The following KCNQ2 variants were observed in gnomAD, a reference collection of about 807,000 sequenced individuals.
KCNQ2 encodes the protein potassium voltage-gated channel subfamily KQT member 2.
Under a neutral mutation model 84.8 loss-of-function variants are expected in KCNQ2, and 14 were observed. The ratio of observed to expected loss-of-function variants is 0.17; its 90% CI spans 0.11 to 0.26. The LOEUF (loss-of-function observed/expected upper bound fraction) is 0.26. KCNQ2 is among the 10% of genes least tolerant of loss of function. KCNQ2 has a pLI of 1.00. For missense variants in KCNQ2, 788 were observed against 1,254.0 expected (o/e 0.63, Z 5.61); for synonymous variants, 599 against 554.1 (o/e 1.08, Z -1.14).
At chr20:63,452,234 A>G (rs868157533) in intron 1 of KCNQ2, among the ~76,000 whole-genome samples, 2 of 152,224 alleles carry the variant, frequency 1.3e-5, no homozygotes, top group Admixed American at 6.5e-5. Flanking sequence ...GCGTGAGCCC[A>G]AGTTCAGATT....
intron 4 of KCNQ2, among the ~76,000 whole-genome samples, chr20:63,443,013 TCACCACCACCATCACATCACCAC>T (rs1568935633): frequency 7.2e-4 from 20 of 27,956 alleles, no homozygotes; most frequent in African/African-American, 2.7e-3. Context: ...ACCATCACCA[TCACCACCACCATCACATCACCAC>T]CACCATCACC....
chr20:63,406,837 T>A lies in KCNQ2; in HGVS notation c.2426A>T (p.Gln809Leu), dbSNP rs770975148. ...GAGAGCATCCAGGTTCTCCTTGGAC[T>A]GGGAGATGCTGAAGCCGCTGAAGGA... Reference protein sequence around the residue: ...ERSFSGFSISQSKENLDALNS... With the variant: ...ERSFSGFSISLSKENLDALNS... Residue 809 changes from glutamine to leucine, a missense_variant, in exon 17 of 17, where the codon CAG (glutamine) becomes CTG (leucine). Physicochemically the swap from Gln to Leu is moderately radical, Grantham distance 113 (BLOSUM62 -2). Coordinates refer to ENST00000359125, the MANE Select transcript of KCNQ2 (RefSeq NM_172107.4). The A allele has an allele frequency of 6.2e-7, 1 of 1,612,424 alleles. No homozygotes were observed. The highest frequency in any genetic ancestry group is 8.5e-7 in the Non-Finnish European group (1 of 1,179,778).
chr20:63,415,134 C>G lies in KCNQ2; in HGVS notation c.1302-8G>C. ...TTCAAACTGACCTTCTGGCTGCTCC[C>G]ACGGGAACCGACAGACAGACAGAAA... On this transcript the variant is annotated splice_region_variant and splice_polypyrimidine_tract_variant and intron_variant, in intron 12 of 16. Coordinates refer to ENST00000359125, the MANE Select transcript of KCNQ2 (RefSeq NM_172107.4). 6.4e-7 allele frequency: 1 copy of G among 1,557,056 alleles called. No individual in the cohort carries two copies. Among genetic ancestry groups the G allele is most frequent in the Non-Finnish European group, 8.6e-7 (1 of 1,164,962 alleles).
chr20:63,427,209 A>C (rs559278427), intron 10 of KCNQ2, among the ~76,000 whole-genome samples: 1 of 152,370 alleles, frequency 6.6e-6, no homozygotes, highest in East Asian at 1.9e-4. Context: ...GCGAAAGAGC[A>C]AGACTCCATC....
intron 1 of KCNQ2, among the ~76,000 whole-genome samples, chr20:63,456,672 C>T (rs2081807430): frequency 6.6e-6 from 1 of 152,156 alleles, no homozygotes; most frequent in African/African-American, 2.4e-5. Flanking sequence ...CCTACAGTCA[C>T]GTGCCCATTT....
rs1057522309 is a variant in KCNQ2, at chr20:63,444,742, G to A, written c.607C>T (p.Leu203=). The A allele has an allele frequency of 3.1e-6, 5 of 1,605,290 alleles. No individual in the cohort carries two copies. Among genetic ancestry groups the A allele is most frequent in the East Asian group, 2.2e-5 (1 of 44,582 alleles). ...ATSALRSLRF[L]QILRMIRMDR... ...ATGCGGATCATCCGCAGAATCTGCA[G>A]GAAGCGCAGGCTCCGGAGCGCAGAT... The change falls in exon 4 of 17, where the codon CTG becomes TTG. Residue 203 remains leucine (L), a synonymous_variant. Coordinates refer to ENST00000359125, the MANE Select transcript of KCNQ2 (RefSeq NM_172107.4).
intron 1 of KCNQ2, among the ~76,000 whole-genome samples, chr20:63,456,092 G>A (rs1293166111): frequency 9.7e-5 from 8 of 82,544 alleles, no homozygotes; most frequent in African/African-American, 3.0e-4. Context: ...CCTCCGGGAG[G>A]CCCCTCTGCC....
In KCNQ2 at chr20:63,407,451, A is replaced by G. The variant is rs2079983361; in HGVS notation, c.1888-76T>C. ...TGGGGACCCAGGCTGCTCCCAGGAA[A>G]TGGGGGGGCCCAGGCTGGTTCCAGG... On this transcript the variant is annotated intron_variant, in intron 16 of 16. Coordinates refer to ENST00000359125, the MANE Select transcript of KCNQ2 (RefSeq NM_172107.4). The surrounding 1 kb of genome is among the most constrained non-coding windows in gnomAD (Gnocchi z 7.2). 1 of 1,520,324 alleles carries G rather than the reference A, an allele frequency of 6.6e-7. No individual in the cohort carries two copies. The highest frequency in any genetic ancestry group is 1.8e-5 in the Admixed American group (1 of 56,318). The allele number at this position is 1,520,324 out of a possible 1,614,324, so 94.2% of individuals were successfully genotyped here. A position where few individuals can be genotyped will look rare whatever the true frequency, so the allele number is the denominator to read the frequency against.
intron 10 of KCNQ2, 81 bp downstream of exon 10, chr20:63,428,266 GGAGTCCCTGGGGCACTGTCC>G: frequency 2.3e-6 from 2 of 868,420 alleles, no homozygotes; most frequent in Middle Eastern, 2.5e-4. Context: ...CCAGCTCCCT[GGAGTCCCTGGGGCACTGTCC>G]TGGCGTGTCT....
chr20:63,442,845 TCACCATCAC>T (rs2081236589), intron 4 of KCNQ2, among the ~76,000 whole-genome samples: 8 of 25,770 alleles, frequency 3.1e-4, no homozygotes, highest in Non-Finnish European at 4.9e-4. Flanking sequence ...ACCACCACCA[TCACCATCAC>T]CACCACCATC....
intron 1 of KCNQ2, among the ~76,000 whole-genome samples, chr20:63,450,502 C>T (rs1474920983): frequency 5.9e-3 from 2 of 338 alleles, no homozygotes; most frequent in African/African-American, 0.014. Flanking sequence ...GCTGCAGTCA[C>T]CCCTGGGGGC....
chr20:63,454,948 C>T lies in KCNQ2; in HGVS notation c.297-8111G>A, dbSNP rs557468476. On this transcript the variant is annotated intron_variant, in intron 1 of 16. Coordinates refer to ENST00000359125, the MANE Select transcript of KCNQ2 (RefSeq NM_172107.4). Reference sequence around the variant, plus strand: ...CCAGGCCCACAGTGTGGGTACAGCCCCTCCTGCACTAAGCTGGGGGACACA... The same window carrying T: ...CCAGGCCCACAGTGTGGGTACAGCCTCTCCTGCACTAAGCTGGGGGACACA... 5.3e-5 allele frequency among the ~76,000 whole-genome samples: 8 copies of T among 152,358 alleles called. 1 individual carries two copies. The South Asian group carries it at 1.4e-3, about 28-fold the overall frequency.
intron 15 of KCNQ2, among the ~76,000 whole-genome samples, chr20:63,409,402 G>T (rs2080045866): frequency 6.6e-6 from 1 of 152,242 alleles, no homozygotes; most frequent in African/African-American, 2.4e-5. Flanking sequence ...AGAAGGGAGG[G>T]AGGCTCCTTT....
chr20:63,449,284 C>T (rs575224502), intron 1 of KCNQ2: 1 of 152,340 alleles, frequency 6.6e-6, no homozygotes, highest in East Asian at 1.9e-4. Context: ...TGTTTTCTGC[C>T]CCTTGCAAAT....
At chr20:63,418,039 T>C (rs1424796946) in intron 12 of KCNQ2, among the ~76,000 whole-genome samples, 1 of 152,016 alleles carries the variant, frequency 6.6e-6, no homozygotes, top group Non-Finnish European at 1.5e-5. Context: ...GGACATGTCC[T>C]TCCCTCCCCT....
chr20:63,471,362 C>T (rs1009222808), intron 1 of KCNQ2: 2 of 152,418 alleles, frequency 1.3e-5, no homozygotes, highest in Non-Finnish European at 2.9e-5. Flanking sequence ...CCCGCCAGCC[C>T]TGCCCCAGGA....
chr20:63,431,980 G>A (rs8184382), intron 8 of KCNQ2, among the ~76,000 whole-genome samples: 75,891 of 112,854 alleles, frequency 0.67, 24,258 homozygotes, highest in East Asian at 0.74. Context: ...GGCCCCACCC[G>A]CAGGGAAGGC....
In KCNQ2 at chr20:63,406,880, G is replaced by T. The variant is rs1266657342; in HGVS notation, c.2383C>A (p.His795Asn). The change falls in exon 17 of 17, where the codon CAC becomes AAC. Residue 795 changes from histidine to asparagine, a missense_variant. Transcript: ENST00000359125. ...DTSISIPSVD[H>N]EELERSFSGF... ...CTGAAGGAACGCTCCAGCTCCTCGTGGTCCACGGACGGGATGGAGATGGAC... is the reference window on the plus strand; with the variant it reads ...CTGAAGGAACGCTCCAGCTCCTCGTTGTCCACGGACGGGATGGAGATGGAC... 2 of 1,611,952 alleles carry T rather than the reference G, an allele frequency of 1.2e-6. No individual in the cohort carries two copies. The highest frequency in any genetic ancestry group is 1.7e-6 in the Non-Finnish European group (2 of 1,179,718).
At chr20:63,413,846 G>A (rs2080201607) in intron 14 of KCNQ2, among the ~76,000 whole-genome samples, 1 of 152,224 alleles carries the variant, frequency 6.6e-6, no homozygotes, top group Non-Finnish European at 1.5e-5. Context: ...TCCTAAGCCA[G>A]GTGGAGCCCG....
Sources: gnomAD v4.1 joint callset for allele counts (sites outside exome capture counted in the v4.1 genomes callset) on GRCh38, gnomAD v4.1.1 for gene constraint, Gnocchi (gnomAD v3.1) non-coding constraint, MANE v1.5 for transcripts, NCBI Gene and HGNC (gene_info 2026-07-23, HGNC 2026-07-21) for gene names.